The following EVC variants were observed in gnomAD, a reference collection of about 807,000 sequenced individuals.
EVC encodes the protein evC complex member EVC.
EVC carries 116 observed loss-of-function variants against 118.9 expected under a neutral mutation model. The ratio of observed to expected loss-of-function variants is 0.98; its 90% CI spans 0.84 to 1.14. The LOEUF (loss-of-function observed/expected upper bound fraction) is 1.14, where lower values mean the gene tolerates loss of function less well. EVC is among the 50% of genes most tolerant of loss of function. The pLI, the probability that EVC is intolerant of heterozygous loss-of-function variation, is 0.00. For missense variants in EVC, 1,401 were observed against 1,246.4 expected, an observed-to-expected ratio of 1.12 and a Z score of -1.87; for synonymous variants, 619 against 534.7, an observed-to-expected ratio of 1.16 and a Z score of -2.18.
At chr4:5,795,042 A>G (rs1224652921) in intron 13 of EVC, among the ~76,000 whole-genome samples, 1 of 152,204 alleles carries the variant, frequency 6.6e-6, no homozygotes. Context: ...AGCTGCATCC[A>G]TGTTACTGCA....
the EVC span, chr4:5,825,791 A>T: frequency 1.3e-6 from 1 of 791,572 alleles, no homozygotes. This position sits in a 1 kb window ranked among gnomAD's most constrained non-coding sequence, Gnocchi z 4.4. Context: ...CACACACACA[A>T]CACGCACACA....
At chr4:5,730,452 C>A (rs745600109) in intron 3 of EVC, among the ~76,000 whole-genome samples, 1 of 152,032 alleles carries the variant, frequency 6.6e-6, no homozygotes, top group Non-Finnish European at 1.5e-5. Flanking sequence ...ACATTGGGAA[C>A]CACATCCTTC....
intron 11 of EVC, among the ~76,000 whole-genome samples, chr4:5,766,577 A>C (rs1440278306): frequency 8.1e-6 from 1 of 123,972 alleles, no homozygotes. Context: ...ACATAGTCCC[A>C]TATTTCTTGG....
At position 5,755,118 on chromosome 4, in the gene EVC, T is replaced by G. The variant is rs1197042947; in HGVS notation, c.1465-1146T>G. Reference sequence around the variant, plus strand: ...CAGGCCCATACTTGGAGCTTCTGCATTTGCCACAAAGGGGTAGGGTAGGTT... The same window carrying G: ...CAGGCCCATACTTGGAGCTTCTGCAGTTGCCACAAAGGGGTAGGGTAGGTT... On this transcript the variant is annotated intron_variant, in intron 10 of 20. Coordinates refer to ENST00000264956, the MANE Select transcript of EVC (RefSeq NM_153717.3). The surrounding 1 kb of genome is among the most constrained non-coding windows in gnomAD (Gnocchi z 4.1). Among the ~76,000 whole-genome samples the G allele has an allele frequency of 6.6e-6, 1 of 152,124 alleles. No homozygotes were observed. The highest frequency in any genetic ancestry group is 6.5e-5 in the Admixed American group (1 of 15,274).
At position 5,738,131 on chromosome 4, in the gene EVC, T is replaced by C. The variant is rs1283116755; in HGVS notation, c.703-3585T>C. On this transcript the variant is annotated intron_variant, in intron 5 of 20. Coordinates refer to ENST00000264956, the MANE Select transcript of EVC (RefSeq NM_153717.3). The surrounding 1 kb of genome is among the most constrained non-coding windows in gnomAD (Gnocchi z 6.5). ...TTCAGAACTTCAGTGGAGGAAGTCA[T>C]TGGAAATGTGGAAATAGCAAGAAAA... Among the ~76,000 whole-genome samples, 1 of 152,140 alleles carries C rather than the reference T, an allele frequency of 6.6e-6. No individual in the cohort carries two copies. Among genetic ancestry groups the C allele is most frequent in the African/African-American group, 2.4e-5 (1 of 41,426 alleles).
At chr4:5,777,942 C>T (rs1577539699) in intron 11 of EVC, among the ~76,000 whole-genome samples, 1 of 151,934 alleles carries the variant, frequency 6.6e-6, no homozygotes, top group African/African-American at 2.4e-5. Flanking sequence ...CACCCACTAA[C>T]TCGTCATCTA....
In EVC at chr4:5,729,319, C is replaced by A. The variant is rs1560291200; in HGVS notation, c.313C>A (p.Pro105Thr). Residue 105 changes from proline (P) to threonine (T), a missense_variant, in exon 3 of 21, where the codon CCT (proline) becomes ACT (threonine). Coordinates refer to ENST00000264956, the MANE Select transcript of EVC (RefSeq NM_153717.3). ...DKEAVDECEP[P>T]SNSNITAFAL... ...CTTTCCCTCCCAGGAATGTGAGCCGCCTTCCAACAGCAATATCACAGCATT... is the reference window on the plus strand; with the variant it reads ...CTTTCCCTCCCAGGAATGTGAGCCGACTTCCAACAGCAATATCACAGCATT... 1 of 1,614,154 alleles carries A rather than the reference C, an allele frequency of 6.2e-7. No individual in the cohort carries two copies.
intron 17 of EVC, 65 bp from the exon 18 acceptor site, chr4:5,808,136 T>TGCCCA: frequency 3.3e-6 from 1 of 306,556 alleles, no homozygotes; most frequent in Non-Finnish European, 6.8e-6. Context: ...TCCTTCTCCC[T>TGCCCA]CCCTCCCTCC....
the EVC span, chr4:5,824,977 G>C: frequency 1.0e-6 from 1 of 985,282 alleles, no homozygotes; most frequent in East Asian, 1.1e-4. Context: ...TTTGACACTG[G>C]ATTTCTTGGG....
Position 5,813,071 on chromosome 4 carries a change from C to CAG in EVC, c.*2037_*2038dup, listed in dbSNP as rs1424289412. ...TTCCCAGTGGCCAAAACTTAATCAT[C>CAG]AGAGCGCTTCCTTCAGTTCCTCACC... On this transcript the variant is annotated 3_prime_UTR_variant, in exon 21 of 21. Transcript: ENST00000264956. 6.6e-6 allele frequency: 1 copy of CAG among 152,220 alleles called. No homozygotes were observed. Among genetic ancestry groups the CAG allele is most frequent in the Non-Finnish European group, 1.5e-5 (1 of 68,044 alleles). 9.4% of individuals were successfully genotyped at this position (152,220 alleles called of 1,614,324 possible). A position where few individuals can be genotyped will look rare whatever the true frequency, so the allele number is the denominator to read the frequency against.
At chr4:5,790,972 G>A (rs533239093) in intron 12 of EVC, among the ~76,000 whole-genome samples, 1 of 152,142 alleles carries the variant, frequency 6.6e-6, no homozygotes, top group East Asian at 1.9e-4. Flanking sequence ...GCGGGTGCCT[G>A]TAATCCCAGC....
At chr4:5,740,589 T>C (rs1728391033) in intron 5 of EVC, among the ~76,000 whole-genome samples, 1 of 151,984 alleles carries the variant, frequency 6.6e-6, no homozygotes, top group African/African-American at 2.4e-5. Context: ...AAAAATTAAC[T>C]GGAATTCATC....
chr4:5,727,686 T>C (rs1052962933), intron 2 of EVC, among the ~76,000 whole-genome samples: 12 of 152,080 alleles, frequency 7.9e-5, no homozygotes, highest in African/African-American at 2.9e-4. Flanking sequence ...GGTTTTCTTC[T>C]AGGGTTTTTA....
At chr4:5,779,431 C>G (rs1306645386) in intron 11 of EVC, among the ~76,000 whole-genome samples, 3 of 149,304 alleles carry the variant, frequency 2.0e-5, no homozygotes, top group Non-Finnish European at 4.5e-5. Flanking sequence ...TTACCTTGGG[C>G]AGTATGGCCA....
At chr4:5,775,658 A>G (rs1325212108) in intron 11 of EVC, among the ~76,000 whole-genome samples, 1 of 152,168 alleles carries the variant, frequency 6.6e-6, no homozygotes, top group South Asian at 2.1e-4. Context: ...GTATAAATAC[A>G]CTGCCATACA....
chr4:5,732,189 G>A lies in EVC; in HGVS notation c.617+532G>A, dbSNP rs1022464141. On this transcript the variant is annotated intron_variant, in intron 4 of 20. Transcript: ENST00000264956. ...TGCTGGTCACACAGCCGTGAGTGACGGAGCCGGATTTGACCCAACCCAGAG... is the reference window on the plus strand; with the variant it reads ...TGCTGGTCACACAGCCGTGAGTGACAGAGCCGGATTTGACCCAACCCAGAG... 3.9e-5 allele frequency among the ~76,000 whole-genome samples: 6 copies of A among 152,320 alleles called. No homozygotes were observed. The East Asian group carries it at 5.8e-4, about 15-fold the overall frequency.
At chr4:5,825,382 T>C in the EVC span, 1 of 1,463,966 alleles carries the variant, frequency 6.8e-7, no homozygotes, top group Non-Finnish European at 9.0e-7. This position sits in a 1 kb window ranked among gnomAD's most constrained non-coding sequence, Gnocchi z 4.4. Context: ...CTCCCTTCCC[T>C]GCTTCTTCAT....
intron 11 of EVC, among the ~76,000 whole-genome samples, chr4:5,769,541 C>T (rs1009762576): frequency 2.6e-5 from 4 of 152,134 alleles, no homozygotes; most frequent in South Asian, 2.1e-4. Flanking sequence ...TGTGCGATCG[C>T]GTGAGCTCTG....
chr4:5,795,607 G>A (rs140759228), intron 13 of EVC, among the ~76,000 whole-genome samples: 1,972 of 152,228 alleles, frequency 0.013, 22 homozygotes, highest in Non-Finnish European at 0.021. Context: ...AGCTGAGATC[G>A]CACCATTGCA....
Sources: allele counts gnomAD v4.1 joint callset (sites outside exome capture counted in the v4.1 genomes callset), GRCh38; gene constraint gnomAD v4.1.1; non-coding constraint Gnocchi (gnomAD v3.1); transcripts MANE v1.5; gene names NCBI Gene and HGNC (gene_info 2026-07-23, HGNC 2026-07-21).